TWSG1: variants seen among roughly 807,000 people sequenced by gnomAD.
TWSG1 encodes the protein twisted gastrulation BMP signaling modulator 1, also known as twisted gastrulation protein homolog 1.
In TWSG1, 15 loss-of-function variants were observed where a neutral mutation model predicts 23.0. The ratio of observed to expected loss-of-function variants is 0.65; its 90% confidence interval spans 0.44 to 1.00. The LOEUF (loss-of-function observed/expected upper bound fraction) is 1.00, where lower values mean the gene tolerates loss of function less well. Ranked by LOEUF, TWSG1 falls within the 50% of genes least tolerant of loss-of-function variation. The pLI is 0.00. For missense variants in TWSG1, 242 were observed against 278.7 expected (o/e 0.87, Z 0.94); for synonymous variants, 86 against 92.8 (o/e 0.93, Z 0.42).
At chr18:9,355,198 C>T (rs1002174385) in intron 2 of TWSG1, among the ~76,000 whole-genome samples, 2 of 152,244 alleles carry the variant, frequency 1.3e-5, no homozygotes, top group East Asian at 1.9e-4. Flanking sequence ...CCTTGTGATC[C>T]GCCTGCCTTG....
intron 3 of TWSG1, among the ~76,000 whole-genome samples, chr18:9,361,365 G>A (rs2040551525): frequency 6.6e-6 from 1 of 152,020 alleles, no homozygotes; most frequent in African/African-American, 2.4e-5. Flanking sequence ...TCTACTCCTT[G>A]CATGATTTCC....
intron 2 of TWSG1, among the ~76,000 whole-genome samples, chr18:9,351,474 GT>G (rs1419463165): frequency 6.6e-6 from 1 of 151,964 alleles, no homozygotes; most frequent in African/African-American, 2.4e-5. Flanking sequence ...GAAAATTTCA[GT>G]TTTAGGTTAA....
chr18:9,398,024 A>G (rs1322948511), intron 4 of TWSG1, among the ~76,000 whole-genome samples: 2 of 138,472 alleles, frequency 1.4e-5, no homozygotes, highest in African/African-American at 2.7e-5. Context: ...AAAAAAAAAA[A>G]AAACCAAGAA....
intron 2 of TWSG1, among the ~76,000 whole-genome samples, chr18:9,340,367 CAAAAA>C (rs775837207): frequency 3.0e-5 from 2 of 67,098 alleles, no homozygotes; most frequent in Non-Finnish European, 5.5e-5. Flanking sequence ...GACTCCATTT[CAAAAA>C]AAAAAAAAAA....
chr18:9,348,849 C>A (rs1445349157), intron 2 of TWSG1, among the ~76,000 whole-genome samples: 1 of 152,154 alleles, frequency 6.6e-6, no homozygotes, highest in Non-Finnish European at 1.5e-5. Context: ...AACTGATGTA[C>A]TATGAGGATA....
chr18:9,372,192 T>A (rs988869754), intron 3 of TWSG1, among the ~76,000 whole-genome samples: 13 of 151,846 alleles, frequency 8.6e-5, no homozygotes, highest in Admixed American at 3.3e-4. Flanking sequence ...TTCCCCCTTA[T>A]CGGTGGGAGA....
intron 2 of TWSG1, among the ~76,000 whole-genome samples, chr18:9,337,633 T>C (rs2040428814): frequency 6.6e-6 from 1 of 152,190 alleles, no homozygotes; most frequent in Admixed American, 6.5e-5. Context: ...GATGATTTAA[T>C]CTGTGTAATC....
intron 2 of TWSG1, among the ~76,000 whole-genome samples, chr18:9,341,698 A>G (rs757157397): frequency 6.6e-6 from 1 of 152,108 alleles, no homozygotes; most frequent in Non-Finnish European, 1.5e-5. Context: ...TTTCTTCAAT[A>G]TATTTAAGGT....
chr18:9,381,390 C>T (rs2040655501), intron 3 of TWSG1, among the ~76,000 whole-genome samples: 1 of 152,132 alleles, frequency 6.6e-6, no homozygotes, highest in Admixed American at 6.5e-5. Context: ...AAAATACAGC[C>T]TCACACAGCT....
At chr18:9,361,190 TATTA>T (rs1416558428) in intron 3 of TWSG1, among the ~76,000 whole-genome samples, 1 of 152,242 alleles carries the variant, frequency 6.6e-6, no homozygotes, top group Non-Finnish European at 1.5e-5. Flanking sequence ...TTCACCCTTG[TATTA>T]ATTTTTTAAA....
chr18:9,343,181 G>A (rs2028655), intron 2 of TWSG1, among the ~76,000 whole-genome samples: 99,539 of 145,240 alleles, frequency 0.69, 34,269 homozygotes, highest in Middle Eastern at 0.77. Flanking sequence ...TTGAGCCAAA[G>A]ACTAGGAAAT....
chr18:9,371,235 C>G (rs1046410854), intron 3 of TWSG1, among the ~76,000 whole-genome samples: 9 of 151,382 alleles, frequency 5.9e-5, no homozygotes, highest in African/African-American at 1.9e-4. Context: ...TATATATGAC[C>G]TTAAATGTGA....
intron 2 of TWSG1, among the ~76,000 whole-genome samples, chr18:9,339,063 G>A (rs941399383): frequency 2.0e-5 from 3 of 151,942 alleles, no homozygotes; most frequent in Non-Finnish European, 2.9e-5. Context: ...AAATTAGCTG[G>A]GCATGATCAT....
intron 2 of TWSG1, among the ~76,000 whole-genome samples, chr18:9,339,901 A>T (rs2040438638): frequency 6.6e-6 from 1 of 152,248 alleles, no homozygotes; most frequent in African/African-American, 2.4e-5. Flanking sequence ...CACCTAACTC[A>T]AATGGTGATT....
chr18:9,343,590 C>G lies in TWSG1; in HGVS notation c.123+6238C>G, dbSNP rs908401544. Among the ~76,000 whole-genome samples, 3 of 152,078 alleles carry G rather than the reference C, an allele frequency of 2.0e-5. No individual in the cohort carries two copies. The East Asian group carries it at 5.8e-4, about 29-fold the overall frequency. On this transcript the variant is annotated intron_variant, in intron 2 of 4. Transcript: ENST00000262120. Reference sequence around the variant, plus strand: ...CTTTAGAAGTCATTTCCTATTCTCTCTCCCCACAAACCCTAGGCAGTTTAC... The same window carrying G: ...CTTTAGAAGTCATTTCCTATTCTCTGTCCCCACAAACCCTAGGCAGTTTAC...
chr18:9,377,061 A>G (rs546111968), intron 3 of TWSG1, among the ~76,000 whole-genome samples: 35 of 152,212 alleles, frequency 2.3e-4, no homozygotes, highest in African/African-American at 8.4e-4. Context: ...ATACCACTTT[A>G]TATAAGAGAC....
intron 2 of TWSG1, among the ~76,000 whole-genome samples, chr18:9,355,862 A>T (rs1457986017): frequency 6.6e-6 from 1 of 152,200 alleles, no homozygotes; most frequent in Admixed American, 6.5e-5. Flanking sequence ...AAGAATGCTG[A>T]CGTGAGTTAT....
Position 9,399,584 on chromosome 18 carries a change from C to G in TWSG1, c.*57C>G, listed in dbSNP as rs2040753764. 1 of 1,429,306 alleles carries G rather than the reference C, an allele frequency of 7.0e-7. No individual in the cohort carries two copies. Among genetic ancestry groups the G allele is most frequent in the African/African-American group, 1.4e-5 (1 of 69,424 alleles). 88.5% of individuals were successfully genotyped at this position (1,429,306 alleles called of 1,614,324 possible). A position where few individuals can be genotyped will look rare whatever the true frequency, so the allele number is the denominator to read the frequency against. On this transcript the variant is annotated 3_prime_UTR_variant, in exon 5 of 5. Transcript: ENST00000262120. Reference sequence around the variant, plus strand: ...AAAATAATAGGTATAAAAAGTTATTCTGTAAGTCTGTTGGTTGTATCTTGT... The same window carrying G: ...AAAATAATAGGTATAAAAAGTTATTGTGTAAGTCTGTTGGTTGTATCTTGT...
At position 9,398,168 on chromosome 18, in the gene TWSG1, T is replaced by A. The variant is rs990342918; in HGVS notation, c.491-1178T>A. On this transcript the variant is annotated intron_variant, in intron 4 of 4. Coordinates refer to ENST00000262120, the MANE Select transcript of TWSG1 (RefSeq NM_020648.6). ...AACAAATGCTAGATTTTGGAAAACA[T>A]TAGAAACATATGGAATGCAATAATA... Among the ~76,000 whole-genome samples, 3 of 152,244 alleles carry A rather than the reference T, an allele frequency of 2.0e-5. No homozygotes were observed. The East Asian group carries it at 5.8e-4, about 29-fold the overall frequency.
Sources: allele counts gnomAD v4.1 joint callset (sites outside exome capture counted in the v4.1 genomes callset), GRCh38; gene constraint gnomAD v4.1.1; transcripts MANE v1.5; gene names NCBI Gene and HGNC (gene_info 2026-07-23, HGNC 2026-07-21).